The following MORC1 variants were observed in gnomAD, a reference collection of about 807,000 sequenced individuals.
The protein encoded by MORC1 is MORC family CW-type zinc finger protein 1.
In MORC1, 59 loss-of-function variants were observed where a neutral mutation model predicts 134.9. That is an observed-to-expected ratio of 0.44 (90% CI 0.35 to 0.54). The LOEUF (loss-of-function observed/expected upper bound fraction) is 0.54, where lower values mean the gene tolerates loss of function less well. Ranked by LOEUF, MORC1 falls within the 20% of genes least tolerant of loss-of-function variation. MORC1 has a pLI of 0.00. For synonymous variants in MORC1, 395 were observed against 391.7 expected (o/e 1.01, Z -0.10); for missense variants, 947 against 1,134.5 (o/e 0.83, Z 2.37).
At chr3:108,973,443 G>T (rs1375331436) in intron 24 of MORC1, among the ~76,000 whole-genome samples, 1 of 152,066 alleles carries the variant, frequency 6.6e-6, no homozygotes, top group Non-Finnish European at 1.5e-5. Context: ...TGTAGCAGAT[G>T]GGGGCATGTG....
At chr3:109,059,380 A>T (rs1425482712) in intron 12 of MORC1, among the ~76,000 whole-genome samples, 1 of 152,116 alleles carries the variant, frequency 6.6e-6, no homozygotes, top group East Asian at 1.9e-4. Flanking sequence ...GTGAAACATT[A>T]TTTCCTATCT....
chr3:109,054,838 A>G lies in MORC1; in HGVS notation c.1220T>C (p.Val407Ala). 1 of 1,607,590 alleles carries G rather than the reference A, an allele frequency of 6.2e-7. No homozygotes were observed. Among genetic ancestry groups the G allele is most frequent in the South Asian group, 1.1e-5 (1 of 89,592 alleles). Residue 407 changes from valine to alanine, a missense_variant, in exon 14 of 28, where the codon GTC becomes GCC. Around this residue, in one of 3 missense-constraint regions of MORC1, gnomAD observed 722 missense variants for 817.0 expected, o/e 0.88. Transcript: ENST00000232603. ...CTGTTTATTATGGGATGGTTCCATG[A>G]CCTCCAAGGGTATATTAACAATTCC... is the stretch of plus-strand genomic sequence containing the variant. The part of the protein sequence containing the change: ...VVGIVNIPLE[V>A]MEPSHNKQEF...
At position 108,967,097 on chromosome 3, in the gene MORC1, C is replaced by T. The variant is rs544874579; in HGVS notation, c.2604+2572G>A. 3.3e-5 allele frequency among the ~76,000 whole-genome samples: 5 copies of T among 152,256 alleles called. No individual in the cohort carries two copies. In the East Asian group the frequency reaches 5.8e-4, roughly 18 times the overall value. Reference sequence around the variant, plus strand: ...GTGTTTTGCTTACAAGATCTCATTTCAGTAGGAACTGCTGGTCTCCTGACT... The same window carrying T: ...GTGTTTTGCTTACAAGATCTCATTTTAGTAGGAACTGCTGGTCTCCTGACT... On this transcript the variant is annotated intron_variant, in intron 26 of 27. Transcript: ENST00000232603.
In MORC1 at chr3:109,036,502, G is replaced by C. The variant is rs140249640; in HGVS notation, c.1331-1034C>G. 6.5e-3 allele frequency among the ~76,000 whole-genome samples: 980 copies of C among 151,878 alleles called. 3 individuals carry two copies. Among genetic ancestry groups the C allele is most frequent in the African/African-American group, 0.022 (918 of 41,408 alleles). ...TAGCACTTTGAGTATCTGTACATGTGCATATAAAATTTAAAGAAAAAAAAA... is the reference window on the plus strand; with the variant it reads ...TAGCACTTTGAGTATCTGTACATGTCCATATAAAATTTAAAGAAAAAAAAA... On this transcript the variant is annotated intron_variant, in intron 14 of 27. Transcript: ENST00000232603.
At chr3:108,971,172 T>C (rs1039695942) in intron 25 of MORC1, among the ~76,000 whole-genome samples, 158 bp downstream of exon 25, 1 of 152,210 alleles carries the variant, frequency 6.6e-6, no homozygotes, top group African/African-American at 2.4e-5. Flanking sequence ...TAATTTCAAA[T>C]ATAGCTTTAA....
At chr3:109,035,557 G>T in intron 14 of MORC1, 89 bp from the exon 15 acceptor site, 2 of 755,482 alleles carry the variant, frequency 2.6e-6, no homozygotes, top group Non-Finnish European at 2.1e-6. Context: ...TATACAATAT[G>T]ATCTCAACTG....
intron 21 of MORC1, among the ~76,000 whole-genome samples, chr3:108,992,248 A>C (rs1460835065): frequency 1.3e-5 from 2 of 152,118 alleles, no homozygotes; most frequent in African/African-American, 2.4e-5. Context: ...ATTACCATAC[A>C]CACTCTTGCT....
intron 26 of MORC1, among the ~76,000 whole-genome samples, chr3:108,964,517 G>C (rs963825603): frequency 2.0e-5 from 3 of 152,136 alleles, no homozygotes; most frequent in Non-Finnish European, 4.4e-5. Context: ...ACCCTTCTCT[G>C]ACATCCACAT....
rs1243521091 is a variant in MORC1 at position 109,062,037 on chromosome 3, G to A, written c.917C>T (p.Ala306Val). The change falls in exon 11 of 28, where the codon GCA becomes GTA. Residue 306 changes from alanine to valine, a missense_variant. Ala to Val is a moderately conservative substitution (Grantham distance 64). Transcript: ENST00000232603. ...GTCACACTGGTTTACTTTGATTTGTGCTTCTTTCAATATGGATTCAGCTGG... is the reference window on the plus strand; with the variant it reads ...GTCACACTGGTTTACTTTGATTTGTACTTCTTTCAATATGGATTCAGCTGG... ...VKIAESILKE[A>V]QIKVNQCDRT... 1 of 1,613,990 alleles carries A rather than the reference G, an allele frequency of 6.2e-7. No individual in the cohort carries two copies. Among genetic ancestry groups the A allele is most frequent in the Non-Finnish European group, 8.5e-7 (1 of 1,179,948 alleles).
chr3:108,992,378 T>C (rs1222289880), intron 21 of MORC1, among the ~76,000 whole-genome samples: 1 of 152,190 alleles, frequency 6.6e-6, no homozygotes, highest in East Asian at 1.9e-4. Context: ...CCAAAACATC[T>C]TTTTTGTTAT....
At chr3:108,986,463 G>C (rs1947895760) in intron 22 of MORC1, among the ~76,000 whole-genome samples, 1 of 152,000 alleles carries the variant, frequency 6.6e-6, no homozygotes, top group African/African-American at 2.4e-5. Context: ...TACTTTTAGG[G>C]ACCTCAGAAG....
chr3:109,011,350 A>T (rs780944895), intron 17 of MORC1, among the ~76,000 whole-genome samples: 1 of 152,160 alleles, frequency 6.6e-6, no homozygotes, highest in African/African-American at 2.4e-5. Context: ...CATCGTAGTG[A>T]GTGTGTAGTG....
intron 17 of MORC1, among the ~76,000 whole-genome samples, chr3:109,019,474 C>G (rs1372779501): frequency 6.6e-6 from 1 of 150,704 alleles, no homozygotes; most frequent in Non-Finnish European, 1.5e-5. Context: ...GTCGTTTGAA[C>G]AGCTTTGAAC....
intron 21 of MORC1, among the ~76,000 whole-genome samples, chr3:108,989,215 AT>A (rs1214386397): frequency 1.3e-5 from 2 of 152,190 alleles, no homozygotes; most frequent in Non-Finnish European, 2.9e-5. Flanking sequence ...TTTCATTTAC[AT>A]TAATTGGTTT....
chr3:109,098,199 C>A (rs535006491), intron 6 of MORC1, among the ~76,000 whole-genome samples: 2 of 152,064 alleles, frequency 1.3e-5, no homozygotes, highest in African/African-American at 4.8e-5. Context: ...ATGCACTCCA[C>A]CGTGCCCAGC....
intron 8 of MORC1, among the ~76,000 whole-genome samples, chr3:109,087,793 A>T (rs569761756): frequency 2.6e-5 from 4 of 152,246 alleles, no homozygotes; most frequent in African/African-American, 9.6e-5. Context: ...AAAAGAACAA[A>T]GCTGGAGGCA....
chr3:108,969,963 T>C (rs1947331023), intron 25 of MORC1, among the ~76,000 whole-genome samples: 1 of 152,212 alleles, frequency 6.6e-6, no homozygotes, highest in African/African-American at 2.4e-5. Context: ...AGTTAAAAAA[T>C]TGTGCAGATA....
intron 23 of MORC1, among the ~76,000 whole-genome samples, chr3:108,980,405 T>C (rs1162914746): frequency 6.6e-6 from 1 of 152,146 alleles, no homozygotes; most frequent in Non-Finnish European, 1.5e-5. Context: ...CATGAAATGC[T>C]AACTCAACTG....
chr3:109,062,370 G>A (rs1280520189), intron 10 of MORC1, among the ~76,000 whole-genome samples: 1 of 151,916 alleles, frequency 6.6e-6, no homozygotes, highest in Admixed American at 6.6e-5. Flanking sequence ...CAGATACTAG[G>A]GAAGAGAGTT....
Sources: gnomAD v4.1 joint callset for allele counts (sites outside exome capture counted in the v4.1 genomes callset) on GRCh38, gnomAD v4.1.1 for gene constraint, gnomAD v4.1.1 regional missense constraint, MANE v1.5 for transcripts, NCBI Gene and HGNC (gene_info 2026-07-23, HGNC 2026-07-21) for gene names.